DCPS: variants seen among roughly 807,000 people sequenced by gnomAD.
DCPS encodes m7GpppX diphosphatase.
A neutral mutation model predicts 34.7 loss-of-function variants in DCPS; 27 were observed. That is an observed-to-expected ratio of 0.78 (90% CI 0.57 to 1.07). The LOEUF (loss-of-function observed/expected upper bound fraction) is 1.07. Ranked by LOEUF, DCPS falls within the 50% of genes least tolerant of loss-of-function variation. The probability of loss-of-function intolerance (pLI) is 0.00; values close to 1 mark genes in which losing one functional copy is unlikely to be tolerated. For synonymous variants in DCPS, 185 were observed against 185.7 expected, an observed-to-expected ratio of 1.00 and a Z score of 0.03; for missense variants, 464 against 436.9, an observed-to-expected ratio of 1.06 and a Z score of -0.55.
In DCPS at chr11:126,345,397, C is replaced by T; in HGVS notation, c.798C>T (p.Tyr266=). Residue 266 remains tyrosine (Y), a synonymous_variant, in exon 6 of 6, where the codon TAC becomes TAT. Transcript: ENST00000263579. The surrounding 1 kb of genome is among the most constrained non-coding windows in gnomAD (Gnocchi z 7.4). ...YRMKGDHLRV[Y]LHYLPSYYHL... ...TGAAGGGAGACCATCTGCGAGTATACCTGCACTACCTGCCCTCCTACTACC... is the reference window on the plus strand; with the variant it reads ...TGAAGGGAGACCATCTGCGAGTATATCTGCACTACCTGCCCTCCTACTACC... 1 of 1,614,182 alleles carries T rather than the reference C, an allele frequency of 6.2e-7. No individual in the cohort carries two copies. The highest frequency in any genetic ancestry group is 8.5e-7 in the Non-Finnish European group (1 of 1,180,018).
chr11:126,304,123 T>G lies in DCPS; in HGVS notation c.43T>G (p.Leu15Val), dbSNP rs1184013330. Residue 15 changes from leucine (L) to valine (V), a missense_variant, in exon 1 of 6, where the codon TTG becomes GTG. Coordinates refer to ENST00000263579, the MANE Select transcript of DCPS (RefSeq NM_014026.6). ...TCAACTAGGCAAGAGGAAGCGCGAA[T>G]TGGACGTGGAGGAGGCCCACGCCGC... is the stretch of plus-strand genomic sequence containing the variant. ...APQLGKRKRE[L>V]DVEEAHAAST... is the part of the protein sequence containing the mutation. 1.2e-6 allele frequency: 2 copies of G among 1,613,710 alleles called. No individual in the cohort carries two copies. Among genetic ancestry groups the G allele is most frequent in the African/African-American group, 1.3e-5 (1 of 74,936 alleles).
At position 126,314,000 on chromosome 11, in the gene DCPS, A is replaced by G. The variant is rs1415833965; in HGVS notation, c.376+7256A>G. 1.3e-5 allele frequency among the ~76,000 whole-genome samples: 2 copies of G among 152,208 alleles called. No homozygotes were observed. The highest frequency in any genetic ancestry group is 2.4e-5 in the African/African-American group (1 of 41,452). ...AGTGTGGTTTTCAGTCACAGTTCTCAAAGTGAAGGTATTTGGTTTCAGCCT... is the reference window on the plus strand; with the variant it reads ...AGTGTGGTTTTCAGTCACAGTTCTCGAAGTGAAGGTATTTGGTTTCAGCCT... On this transcript the variant is annotated intron_variant, in intron 2 of 5. Coordinates refer to ENST00000263579, the MANE Select transcript of DCPS (RefSeq NM_014026.6). The surrounding 1 kb of genome is among the most constrained non-coding windows in gnomAD (Gnocchi z 4.9).
Position 126,329,538 on chromosome 11 carries a change from TGTTTGATGGGACAGAAGCCAC to T in DCPS, c.377-1864_377-1844del, listed in dbSNP as rs1269391302. Among the ~76,000 whole-genome samples the T allele has an allele frequency of 2.0e-5, 3 of 152,174 alleles. No individual in the cohort carries two copies. The highest frequency in any genetic ancestry group is 6.5e-5 in the Admixed American group (1 of 15,280). Reference sequence around the variant, plus strand: ...GCCACCCAGAGCTGAGGGCCTGGGATGTTTGATGGGACAGAAGCCACGTGCCTGGTATGTCATCTCTGTGCA... The same window carrying T: ...GCCACCCAGAGCTGAGGGCCTGGGATGTGCCTGGTATGTCATCTCTGTGCA... On this transcript the variant is annotated intron_variant, in intron 2 of 5. Transcript: ENST00000263579. This position sits in a 1 kb window ranked among gnomAD's most constrained non-coding sequence, Gnocchi z 5.0.
rs770970401 is a variant in DCPS, at chr11:126,319,915, C to T, written c.377-11490C>T. The stretch of plus-strand genomic sequence containing the variant: ...GTTTTAAGGGGTAGCTTCCTTTTAA[C>T]GTATTTGTTACACAAGTGATATGTA... On this transcript the variant is annotated intron_variant, in intron 2 of 5. Transcript: ENST00000263579. The surrounding 1 kb of genome is among the most constrained non-coding windows in gnomAD (Gnocchi z 4.5). Among the ~76,000 whole-genome samples, 3 of 152,016 alleles carry T rather than the reference C, an allele frequency of 2.0e-5. No individual in the cohort carries two copies. The highest frequency in any genetic ancestry group is 4.4e-5 in the Non-Finnish European group (3 of 68,010).
At position 126,331,354 on chromosome 11, in the gene DCPS, A is replaced by C. The variant is rs540055535; in HGVS notation, c.377-51A>C. 14 of 1,604,152 alleles carry C rather than the reference A, an allele frequency of 8.7e-6. No homozygotes were observed. The East Asian group carries it at 2.9e-4, about 33-fold the overall frequency. The stretch of plus-strand genomic sequence containing the variant: ...CTCTCCTCACCGTGGTGCCTGTGGC[A>C]TAGAGAGTGGGCATTGCTTCCCTGT... On this transcript the variant is annotated intron_variant, in intron 2 of 5. Transcript: ENST00000263579. This position sits in a 1 kb window ranked among gnomAD's most constrained non-coding sequence, Gnocchi z 7.2.
In DCPS at chr11:126,332,695, C is replaced by G. The variant is rs1202502157; in HGVS notation, c.522+1145C>G. On this transcript the variant is annotated intron_variant, in intron 3 of 5. Transcript: ENST00000263579. The surrounding 1 kb of genome is among the most constrained non-coding windows in gnomAD (Gnocchi z 5.4). ...ACCTGTGTGCCGCCAGCCCCCTTCC[C>G]CAGCCTGGTTCAGCCCTGGTCTCCC... Among the ~76,000 whole-genome samples, 2 of 152,196 alleles carry G rather than the reference C, an allele frequency of 1.3e-5. No individual in the cohort carries two copies. Among genetic ancestry groups the G allele is most frequent in the Non-Finnish European group, 2.9e-5 (2 of 68,038 alleles).
At position 126,345,335 on chromosome 11, in the gene DCPS, CTG is replaced by C. The variant is rs1244085347; in HGVS notation, c.748-10_748-9del. 2.5e-6 allele frequency: 4 copies of C among 1,613,332 alleles called. No homozygotes were observed. In the African/African-American group the frequency reaches 5.3e-5, roughly 22 times the overall value. ...ACGGTGACTCCTGACCTGCCTGCCC[CTG>C]TCTCATCAGGAGGCCATCCTGCAGC... On this transcript the variant is annotated splice_polypyrimidine_tract_variant and intron_variant, in intron 5 of 5. Coordinates refer to ENST00000263579, the MANE Select transcript of DCPS (RefSeq NM_014026.6). This position sits in a 1 kb window ranked among gnomAD's most constrained non-coding sequence, Gnocchi z 7.4.
rs1951761494 is a variant in DCPS, at chr11:126,328,972, GC to G, written c.377-2431del. Among the ~76,000 whole-genome samples the G allele has an allele frequency of 6.6e-6, 1 of 152,148 alleles. No homozygotes were observed. Among genetic ancestry groups the G allele is most frequent in the African/African-American group, 2.4e-5 (1 of 41,432 alleles). ...GTGTCAGTCACTAGCCTGAGGTTACGCCACTAATAAGTGCAGAGCCAGGACT... is the reference window on the plus strand; with the variant it reads ...GTGTCAGTCACTAGCCTGAGGTTACGCACTAATAAGTGCAGAGCCAGGACT... On this transcript the variant is annotated intron_variant, in intron 2 of 5. Transcript: ENST00000263579. The surrounding 1 kb of genome is among the most constrained non-coding windows in gnomAD (Gnocchi z 6.6).
At chr11:126,314,842 G>A (rs1301032779) in intron 2 of DCPS, among the ~76,000 whole-genome samples, 2 of 152,124 alleles carry the variant, frequency 1.3e-5, no homozygotes, top group African/African-American at 4.8e-5. Flanking sequence ...AAAGGGTGGG[G>A]AGTGGTGAGG....
In DCPS at chr11:126,349,545, C is replaced by G. The variant is rs983511355; in HGVS notation, c.*3932C>G. On this transcript the variant is annotated 3_prime_UTR_variant, in exon 6 of 6. Coordinates refer to ENST00000263579, the MANE Select transcript of DCPS (RefSeq NM_014026.6). The surrounding 1 kb of genome is among the most constrained non-coding windows in gnomAD (Gnocchi z 5.4). Reference sequence around the variant, plus strand: ...AACATGAAACAGAAAAATACCATCTCAGGCTCCATATTCCATGTCCCTGTT... The same window carrying G: ...AACATGAAACAGAAAAATACCATCTGAGGCTCCATATTCCATGTCCCTGTT... Among the ~76,000 whole-genome samples, 1 of 152,220 alleles carries G rather than the reference C, an allele frequency of 6.6e-6. No homozygotes were observed. The highest frequency in any genetic ancestry group is 1.5e-5 in the Non-Finnish European group (1 of 68,042).
intron 4 of DCPS, among the ~76,000 whole-genome samples, chr11:126,340,476 C>T (rs986270373): frequency 3.3e-5 from 5 of 152,172 alleles, no homozygotes; most frequent in South Asian, 2.1e-4. Context: ...CGTGAGCCAC[C>T]GCGCCCGACC....
At chr11:126,314,694 C>G (rs771549666) in intron 2 of DCPS, among the ~76,000 whole-genome samples, 4 of 152,056 alleles carry the variant, frequency 2.6e-5, no homozygotes, top group Non-Finnish European at 5.9e-5. Flanking sequence ...TTTGCAGCAA[C>G]CTGGATGGAA....
rs1039738878 is a variant in DCPS at position 126,327,020 on chromosome 11, C to A, written c.377-4385C>A. 6.6e-6 allele frequency among the ~76,000 whole-genome samples: 1 copy of A among 151,996 alleles called. No homozygotes were observed. Among genetic ancestry groups the A allele is most frequent in the Non-Finnish European group, 1.5e-5 (1 of 68,012 alleles). Reference sequence around the variant, plus strand: ...CCACATATACGTAGAATAATGATAACGATGGATATAAAAAAGGGTAAAATT... The same window carrying A: ...CCACATATACGTAGAATAATGATAAAGATGGATATAAAAAAGGGTAAAATT... On this transcript the variant is annotated intron_variant, in intron 2 of 5. Coordinates refer to ENST00000263579, the MANE Select transcript of DCPS (RefSeq NM_014026.6). The surrounding 1 kb of genome is among the most constrained non-coding windows in gnomAD (Gnocchi z 4.1).
chr11:126,306,470 A>G (rs1951566713), intron 1 of DCPS, 100 bp from the exon 2 acceptor site: 7 of 1,288,966 alleles, frequency 5.4e-6, no homozygotes, highest in Non-Finnish European at 7.2e-6. Context: ...AGGAAATCCC[A>G]AGTATTGGGA....
At position 126,347,513 on chromosome 11, in the gene DCPS, C is replaced by T. The variant is rs1449887440; in HGVS notation, c.*1900C>T. On this transcript the variant is annotated 3_prime_UTR_variant, in exon 6 of 6. Coordinates refer to ENST00000263579, the MANE Select transcript of DCPS (RefSeq NM_014026.6). The surrounding 1 kb of genome is among the most constrained non-coding windows in gnomAD (Gnocchi z 4.2). ...TGCTGGGATTCCAGGCGTGAGCCACCGCGCCCAGCCCCTGCAATACGTCAA... is the reference window on the plus strand; with the variant it reads ...TGCTGGGATTCCAGGCGTGAGCCACTGCGCCCAGCCCCTGCAATACGTCAA... 1.3e-5 allele frequency among the ~76,000 whole-genome samples: 2 copies of T among 152,276 alleles called. No homozygotes were observed. The highest frequency in any genetic ancestry group is 4.1e-4 in the South Asian group (2 of 4,822).
Position 126,338,348 on chromosome 11 carries a change from T to A in DCPS, c.585T>A (p.Asp195Glu). 6.2e-7 allele frequency: 1 copy of A among 1,614,186 alleles called. No homozygotes were observed. Among genetic ancestry groups the A allele is most frequent in the Non-Finnish European group, 8.5e-7 (1 of 1,180,032 alleles). The change falls in exon 4 of 6, where the codon GAT (aspartate) becomes GAA (glutamate). Residue 195 changes from aspartate to glutamate, a missense_variant. Physicochemically the swap from Asp to Glu is conservative, Grantham distance 45 (BLOSUM62 2). Coordinates refer to ENST00000263579, the MANE Select transcript of DCPS (RefSeq NM_014026.6). This position sits in a 1 kb window ranked among gnomAD's most constrained non-coding sequence, Gnocchi z 5.4. ...ACCGGATTGTTTTCGAGAACCCAGA[T>A]CCCTCTGATGGTTTTGTCCTCATCC... ...EADRIVFENP[D>E]PSDGFVLIPD...
rs1019972937 is a variant in DCPS at position 126,313,877 on chromosome 11, A to G, written c.376+7133A>G. 2.6e-5 allele frequency among the ~76,000 whole-genome samples: 4 copies of G among 152,194 alleles called. No homozygotes were observed. The highest frequency in any genetic ancestry group is 4.4e-5 in the Non-Finnish European group (3 of 68,038). On this transcript the variant is annotated intron_variant, in intron 2 of 5. Transcript: ENST00000263579. The surrounding 1 kb of genome is among the most constrained non-coding windows in gnomAD (Gnocchi z 4.9). Reference sequence around the variant, plus strand: ...ATACACACCTGTGTTTTATATGTATAATGTATTTCCCAGTTGAAAGGTAAG... The same window carrying G: ...ATACACACCTGTGTTTTATATGTATGATGTATTTCCCAGTTGAAAGGTAAG...
At chr11:126,341,282 C>G (rs985757574) in intron 4 of DCPS, 9 of 152,250 alleles carry the variant, frequency 5.9e-5, no homozygotes, top group South Asian at 2.1e-4. Flanking sequence ...AAGAGACTGA[C>G]GATGTCTATC....
rs893569578 is a variant in DCPS, at chr11:126,322,598, T to C, written c.377-8807T>C. On this transcript the variant is annotated intron_variant, in intron 2 of 5. Coordinates refer to ENST00000263579, the MANE Select transcript of DCPS (RefSeq NM_014026.6). This position sits in a 1 kb window ranked among gnomAD's most constrained non-coding sequence, Gnocchi z 4.2. ...ATTTTCTTTCTATCCTAAAATTCCT[T>C]TTTTTTTTTTTTTGAGACGAAGTCT... is the stretch of plus-strand genomic sequence containing the variant. Among the ~76,000 whole-genome samples the C allele has an allele frequency of 5.4e-5, 8 of 147,438 alleles. No individual in the cohort carries two copies. The highest frequency in any genetic ancestry group is 2.0e-4 in the East Asian group (1 of 5,034).
Sources: allele counts gnomAD v4.1 joint callset (sites outside exome capture counted in the v4.1 genomes callset), GRCh38; gene constraint gnomAD v4.1.1; non-coding constraint Gnocchi (gnomAD v3.1); transcripts MANE v1.5; gene names NCBI Gene and HGNC (gene_info 2026-07-23, HGNC 2026-07-21).